The following KDR variants were observed in gnomAD, a reference collection of about 807,000 sequenced individuals.
KDR encodes vascular endothelial growth factor receptor 2.
Under a neutral mutation model 160.9 loss-of-function variants are expected in KDR, and 43 were observed. The observed-to-expected ratio is 0.27, with a 90% CI of 0.21 to 0.34. The LOEUF (loss-of-function observed/expected upper bound fraction) is 0.34, where lower values mean the gene tolerates loss of function less well. Among genes scored for constraint, KDR ranks in the 10% least tolerant of loss-of-function variants. The pLI is 1.00. For missense variants in KDR, 1,469 were observed against 1,666.4 expected (o/e 0.88, Z 2.06); for synonymous variants, 617 against 600.1 (o/e 1.03, Z -0.41).
chr4:55,086,555 C>CT (rs1719869433), intron 27 of KDR, among the ~76,000 whole-genome samples: 1 of 152,232 alleles, frequency 6.6e-6, no homozygotes, highest in Non-Finnish European at 1.5e-5. Flanking sequence ...TTGCCTGACT[C>CT]TGAGTGTCAT....
At chr4:55,101,723 C>T (rs1364254054) in intron 15 of KDR, among the ~76,000 whole-genome samples, 174 bp downstream of exon 15, 2 of 152,144 alleles carry the variant, frequency 1.3e-5, no homozygotes, top group Admixed American at 6.5e-5. Flanking sequence ...TGTTCAGCTC[C>T]CACTTATAAG....
Position 55,098,979 on chromosome 4 carries a change from TTTAATTTATTTA to T in KDR, c.2267-188_2267-177del, listed in dbSNP as rs1192408645. 4.2e-5 allele frequency among the ~76,000 whole-genome samples: 6 copies of T among 144,328 alleles called. No individual in the cohort carries two copies. The East Asian group carries it at 1.0e-3, about 24-fold the overall frequency. The allele number at this position is 144,328 out of a possible 152,430, so 94.7% of individuals were successfully genotyped here. A position where few individuals can be genotyped will look rare whatever the true frequency, so the allele number is the denominator to read the frequency against. ...GAGTCTACAGAATTCTTTTTTTGAA[TTTAATTTATTTA>T]TTTATTTATTTATTTATTTATTTAT... On this transcript the variant is annotated intron_variant, in intron 15 of 29. Transcript: ENST00000263923.
In KDR at chr4:55,092,653, T is replaced by C. The variant is rs2110013624; in HGVS notation, c.3033A>G (p.Gln1011=). The C allele has an allele frequency of 6.2e-7, 1 of 1,614,018 alleles. No homozygotes were observed. The highest frequency in any genetic ancestry group is 8.5e-7 in the Non-Finnish European group (1 of 1,179,918). Residue 1011 remains glutamine (Q), a synonymous_variant, in exon 22 of 30, where the codon CAA becomes CAG. Transcript: ENST00000263923. ...CCAAGAACTCCATGCCCTTAGCCAC[T>C]TGGAAGCTGTAACAGATGAGATGCT... ...TLEHLICYSF[Q]VAKGMEFLAS...
At chr4:55,080,293 T>G (rs892675328) in intron 29 of KDR, 130 bp from the exon 30 acceptor site, 1 of 782,290 alleles carries the variant, frequency 1.3e-6, no homozygotes, top group African/African-American at 1.7e-5. Context: ...TCTCTCCCAG[T>G]TGTTAATCAG....
intron 21 of KDR, among the ~76,000 whole-genome samples, chr4:55,093,952 C>G (rs771864518): frequency 1.3e-5 from 2 of 152,140 alleles, no homozygotes; most frequent in African/African-American, 4.8e-5. Flanking sequence ...ATAATCCCAG[C>G]ACTTTGGGAG....
intron 21 of KDR, 113 bp from the exon 22 acceptor site, chr4:55,092,827 A>G (rs1387365825): frequency 8.0e-6 from 6 of 753,344 alleles, no homozygotes; most frequent in African/African-American, 1.7e-5. Flanking sequence ...TTTTTAGGAA[A>G]TAGAAGCAGA....
At chr4:55,089,341 AAG>A (rs1262477751) in intron 25 of KDR, 31 bp downstream of exon 25, 1 of 1,497,336 alleles carries the variant, frequency 6.7e-7, no homozygotes, top group Non-Finnish European at 9.3e-7. Flanking sequence ...CGAGCAAAGA[AAG>A]AGAACACAGG....
At chr4:55,121,558 C>T (rs1214951049) in intron 1 of KDR, among the ~76,000 whole-genome samples, 1 of 152,222 alleles carries the variant, frequency 6.6e-6, no homozygotes, top group African/African-American at 2.4e-5. Context: ...TCTTATAGAA[C>T]ATAGGATGTA....
intron 2 of KDR, among the ~76,000 whole-genome samples, chr4:55,119,520 T>C (rs1017292042): frequency 6.6e-6 from 1 of 152,152 alleles, no homozygotes; most frequent in Non-Finnish European, 1.5e-5. Flanking sequence ...GAGAAAAATA[T>C]AGAAGATACA....
At chr4:55,090,849 CTTTTTTTTTTTT>C (rs61138010) in intron 22 of KDR, among the ~76,000 whole-genome samples, 1,574 of 84,202 alleles carry the variant, frequency 0.019, 35 homozygotes, top group African/African-American at 0.068. Context: ...TAGAAGAAAA[CTTTTTTTTTTTT>C]TTTTTTTTTT....
At position 55,102,441 on chromosome 4, in the gene KDR, T is replaced by C; in HGVS notation, c.2055A>G (p.Glu685=). ...NQTTSIGESI[E]VSCTASGNPP... ...GATTCCCAGATGCCGTGCATGAGAC[T>C]TCGATGCTTTCCCCAATACTTGTCG... Residue 685 remains glutamate (E), a synonymous_variant, in exon 14 of 30, where the codon GAA becomes GAG. Coordinates refer to ENST00000263923, the MANE Select transcript of KDR (RefSeq NM_002253.4). 2 of 1,613,792 alleles carry C rather than the reference T, an allele frequency of 1.2e-6. No homozygotes were observed. The highest frequency in any genetic ancestry group is 1.7e-6 in the Non-Finnish European group (2 of 1,179,762).
Position 55,114,876 on chromosome 4 carries a change from A to G in KDR, c.656T>C (p.Val219Ala), listed in dbSNP as rs200675807. The G allele has an allele frequency of 9.7e-5, 157 of 1,612,322 alleles. No individual in the cohort carries two copies. The highest frequency in any genetic ancestry group is 3.3e-4 in the Middle Eastern group (2 of 6,068). The change falls in exon 5 of 30, where the codon GTA becomes GCA. Residue 219 changes from valine to alanine, a missense_variant and splice_region_variant. Coordinates refer to ENST00000263923, the MANE Select transcript of KDR (RefSeq NM_002253.4). ...YQSIMYIVVVVGYRIYDVVLS... is the reference protein window; with the variant it reads ...YQSIMYIVVVAGYRIYDVVLS... ...ATGGAAAGGAAATGTCCTCTTACCTACAACGACAACTATGTACATAATAGA... is the reference window on the plus strand; with the variant it reads ...ATGGAAAGGAAATGTCCTCTTACCTGCAACGACAACTATGTACATAATAGA...
intron 9 of KDR, among the ~76,000 whole-genome samples, chr4:55,109,488 C>A (rs1033611734): frequency 3.9e-5 from 6 of 152,010 alleles, no homozygotes; most frequent in Non-Finnish European, 8.8e-5. Context: ...GGGAAAATAT[C>A]CTGAAGTTTT....
intron 23 of KDR, 54 bp downstream of exon 23, chr4:55,089,902 A>C (rs1719965665): frequency 1.2e-6 from 2 of 1,609,816 alleles, no homozygotes; most frequent in African/African-American, 2.7e-5. Context: ...GCTCTCTACG[A>C]GGAGTTTTAA....
In KDR at chr4:55,082,630, T is replaced by A. The variant is rs1215427030; in HGVS notation, c.3668A>T (p.Tyr1223Phe). ...HYDNTAGISQ[Y>F]LQNSKRKSRP... is the part of the protein sequence containing the mutation. ...GCTCTTTCGCTTACTGTTCTGCAGA[T>A]ACTGACTGCAAAAGAACAAATATTT... The change falls in exon 28 of 30, where the codon TAT becomes TTT. Residue 1223 changes from tyrosine (Y) to phenylalanine (F), a missense_variant. Around this residue, in one of 7 missense-constraint regions of KDR, gnomAD observed 229 missense variants for 197.8 expected, o/e 1.16. Coordinates refer to ENST00000263923, the MANE Select transcript of KDR (RefSeq NM_002253.4). 3 of 1,611,226 alleles carry A rather than the reference T, an allele frequency of 1.9e-6. No homozygotes were observed. In the South Asian group the frequency reaches 3.3e-5, roughly 18 times the overall value.
intron 5 of KDR, 84 bp downstream of exon 5, chr4:55,114,790 T>C (rs1295593757): frequency 1.4e-5 from 17 of 1,236,512 alleles, no homozygotes; most frequent in Non-Finnish European, 1.8e-5. Flanking sequence ...CTTTTCAATA[T>C]CCTTCTTCAC....
intron 26 of KDR, 131 bp from the exon 27 acceptor site, chr4:55,087,889 T>A: frequency 1.2e-6 from 1 of 825,680 alleles, no homozygotes; most frequent in Non-Finnish European, 2.1e-6. Flanking sequence ...CATAGAACTT[T>A]AAGACAACAA....
At chr4:55,080,258 T>A in intron 29 of KDR, 95 bp from the exon 30 acceptor site, 2 of 1,099,988 alleles carry the variant, frequency 1.8e-6, no homozygotes, top group South Asian at 1.3e-5. Context: ...ATGGCTGCCA[T>A]CTCCCTGGAG....
chr4:55,109,538 G>A (rs7694150), intron 9 of KDR, among the ~76,000 whole-genome samples: 3,918 of 152,244 alleles, frequency 0.026, 189 homozygotes, highest in African/African-American at 0.089. Context: ...AATTACAACA[G>A]AGAAGCATTT....
Sources: allele counts gnomAD v4.1 joint callset (sites outside exome capture counted in the v4.1 genomes callset), GRCh38; gene constraint gnomAD v4.1.1; regional missense constraint gnomAD v4.1.1; transcripts MANE v1.5; gene names NCBI Gene and HGNC (gene_info 2026-07-23, HGNC 2026-07-21).